The following TMEM266 variants were observed in gnomAD, a reference collection of about 807,000 sequenced individuals.
TMEM266 encodes transmembrane protein 266.
Under a neutral mutation model 50.5 loss-of-function variants are expected in TMEM266, and 33 were observed. The ratio of observed to expected loss-of-function variants is 0.65; its 90% confidence interval spans 0.50 to 0.87. The LOEUF (loss-of-function observed/expected upper bound fraction) is 0.87, where lower values mean the gene tolerates loss of function less well. Among genes scored for constraint, TMEM266 ranks in the 40% least tolerant of loss-of-function variants. TMEM266 has a pLI of 0.00. For missense variants in TMEM266, 655 were observed against 695.1 expected, an observed-to-expected ratio of 0.94 and a Z score of 0.65; for synonymous variants, 310 against 292.3, an observed-to-expected ratio of 1.06 and a Z score of -0.62.
chr15:76,175,681 C>T lies in TMEM266; in HGVS notation c.768+7C>T. ...GATCTGTCAGGAGCAAGGGGTAATG[C>T]ACTGCCACTTTCGGCTCTGTCCGTG... On this transcript the variant is annotated splice_region_variant and intron_variant, in intron 8 of 10. Transcript: ENST00000388942. The T allele has an allele frequency of 6.2e-7, 1 of 1,610,094 alleles. No individual in the cohort carries two copies. The highest frequency in any genetic ancestry group is 8.5e-7 in the Non-Finnish European group (1 of 1,176,510).
intron 1 of TMEM266, among the ~76,000 whole-genome samples, chr15:76,119,108 G>A (rs2935962): frequency 0.045 from 6,876 of 152,206 alleles, 495 homozygotes; most frequent in African/African-American, 0.15. Context: ...AAATCCTGGT[G>A]CCATCTTCCC....
intron 1 of TMEM266, among the ~76,000 whole-genome samples, chr15:76,101,264 A>G (rs1023015160): frequency 6.6e-6 from 1 of 152,240 alleles, no homozygotes; most frequent in Non-Finnish European, 1.5e-5. Context: ...CAGAGTTGCC[A>G]TGACAACTAC....
intron 5 of TMEM266, among the ~76,000 whole-genome samples, chr15:76,162,336 A>T (rs1460327912): frequency 6.6e-6 from 1 of 152,232 alleles, no homozygotes; most frequent in Non-Finnish European, 1.5e-5. Context: ...ATACACACAC[A>T]GCTCACACCA....
chr15:76,091,775 G>T (rs976249439), intron 1 of TMEM266, among the ~76,000 whole-genome samples: 1 of 151,876 alleles, frequency 6.6e-6, no homozygotes, highest in African/African-American at 2.4e-5. Flanking sequence ...GATCACTTGA[G>T]CCCAGGAGTT....
intron 4 of TMEM266, among the ~76,000 whole-genome samples, chr15:76,159,845 G>A (rs961411434): frequency 6.6e-6 from 1 of 151,904 alleles, no homozygotes; most frequent in African/African-American, 2.4e-5. Context: ...GCGGCCTGTG[G>A]GGGAGAAGGA....
intron 1 of TMEM266, among the ~76,000 whole-genome samples, chr15:76,078,135 C>CT (rs568694282): frequency 2.0e-4 from 30 of 152,198 alleles, no homozygotes; most frequent in African/African-American, 7.0e-4. Context: ...ATGTCGCCGA[C>CT]TCTGTCAGGC....
Position 76,130,808 on chromosome 15 carries a change from C to T in TMEM266, c.-96-3360C>T, listed in dbSNP as rs188887370. Among the ~76,000 whole-genome samples, 388 of 152,054 alleles carry T rather than the reference C, an allele frequency of 2.6e-3. 1 individual carries two copies. The highest frequency in any genetic ancestry group is 8.9e-3 in the African/African-American group (370 of 41,404). On this transcript the variant is annotated intron_variant, in intron 1 of 10. Coordinates refer to ENST00000388942, the MANE Select transcript of TMEM266 (RefSeq NM_152335.3). Reference sequence around the variant, plus strand: ...ACAATTGTATATATTTGAAATTTTCCTTCCTAAAAAGTTAAATTAAAAAAA... The same window carrying T: ...ACAATTGTATATATTTGAAATTTTCTTTCCTAAAAAGTTAAATTAAAAAAA...
chr15:76,080,755 C>G (rs1358505122), intron 1 of TMEM266, among the ~76,000 whole-genome samples: 1 of 150,456 alleles, frequency 6.6e-6, no homozygotes, highest in Non-Finnish European at 1.5e-5. Context: ...TGGATTTTTT[C>G]TTTTTTTTTA....
chr15:76,171,298 C>T (rs538506547), intron 7 of TMEM266, among the ~76,000 whole-genome samples, 167 bp downstream of exon 7: 27 of 152,296 alleles, frequency 1.8e-4, no homozygotes, highest in African/African-American at 6.3e-4. Flanking sequence ...CGCCATCACG[C>T]GTTCATGCAC....
At chr15:76,083,233 CTTTT>C (rs3068737) in intron 1 of TMEM266, among the ~76,000 whole-genome samples, 1 of 136,210 alleles carries the variant, frequency 7.3e-6, no homozygotes, top group Non-Finnish European at 1.6e-5. Context: ...TGCTGATACT[CTTTT>C]TTTTTTTTTT....
At chr15:76,142,527 G>T (rs1424701312) in intron 3 of TMEM266, among the ~76,000 whole-genome samples, 1 of 152,210 alleles carries the variant, frequency 6.6e-6, no homozygotes, top group Non-Finnish European at 1.5e-5. Flanking sequence ...AGTGGTTGCT[G>T]CACTGTTTTA....
In TMEM266 at chr15:76,153,865, G is replaced by A. The variant is rs78453321; in HGVS notation, c.228-2739G>A. Among the ~76,000 whole-genome samples, 25,065 of 152,086 alleles carry A rather than the reference G, an allele frequency of 0.16. 2,793 individuals carry two copies. The highest frequency in any genetic ancestry group is 0.42 in the East Asian group (2,175 of 5,140). On this transcript the variant is annotated intron_variant, in intron 3 of 10. Transcript: ENST00000388942. The surrounding 1 kb of genome is among the most constrained non-coding windows in gnomAD (Gnocchi z 4.2). ...CAAAGGCTCGTTAATGGATGGAAGCGCTGTGCCGCTGGCACTGCTGCGGGC... is the reference window on the plus strand; with the variant it reads ...CAAAGGCTCGTTAATGGATGGAAGCACTGTGCCGCTGGCACTGCTGCGGGC...
At chr15:76,164,152 G>A (rs998242351) in intron 5 of TMEM266, among the ~76,000 whole-genome samples, 1 of 152,082 alleles carries the variant, frequency 6.6e-6, no homozygotes, top group Admixed American at 6.6e-5. Flanking sequence ...GTAGTCTTTT[G>A]TGACTGCGGC....
chr15:76,134,173 T>G lies in TMEM266; in HGVS notation c.-91T>G. The G allele has an allele frequency of 2.8e-6, 4 of 1,428,090 alleles. No homozygotes were observed. Among genetic ancestry groups the G allele is most frequent in the Non-Finnish European group, 3.9e-6 (4 of 1,020,018 alleles). The allele number at this position is 1,428,090 out of a possible 1,614,324, so 88.5% of individuals were successfully genotyped here. Reference sequence around the variant, plus strand: ...GTTCCTATTTTTGTTTTCAGGGCACTATATTTGTATGTGTCTTGTAGAACC... The same window carrying G: ...GTTCCTATTTTTGTTTTCAGGGCACGATATTTGTATGTGTCTTGTAGAACC... On this transcript the variant is annotated 5_prime_UTR_variant, in exon 2 of 11. Coordinates refer to ENST00000388942, the MANE Select transcript of TMEM266 (RefSeq NM_152335.3).
intron 1 of TMEM266, among the ~76,000 whole-genome samples, chr15:76,123,124 T>C (rs1044379280): frequency 3.3e-5 from 5 of 152,254 alleles, no homozygotes; most frequent in African/African-American, 1.2e-4. Flanking sequence ...AAAGCCACTG[T>C]GGGCTCTCTG....
At chr15:76,202,090 G>A (rs1033927976) in intron 9 of TMEM266, 112 bp from the exon 10 acceptor site, 52 of 900,958 alleles carry the variant, frequency 5.8e-5, no homozygotes, top group Non-Finnish European at 8.5e-5. Flanking sequence ...CACACACCAA[G>A]GGCTTCTGTG....
At chr15:76,073,086 C>T (rs535283491) in intron 1 of TMEM266, among the ~76,000 whole-genome samples, 1 of 151,988 alleles carries the variant, frequency 6.6e-6, no homozygotes, top group East Asian at 1.9e-4. Context: ...CATGTGTCAC[C>T]ACACCCAGCT....
intron 7 of TMEM266, among the ~76,000 whole-genome samples, chr15:76,174,551 A>G (rs918349693): frequency 1.3e-5 from 2 of 152,180 alleles, no homozygotes; most frequent in African/African-American, 4.8e-5. Flanking sequence ...CCATCTCAAA[A>G]TAAAAGTTCA....
intron 5 of TMEM266, among the ~76,000 whole-genome samples, chr15:76,164,473 G>T (rs1441133269): frequency 6.6e-6 from 1 of 152,126 alleles, no homozygotes; most frequent in Non-Finnish European, 1.5e-5. Context: ...CTCCCAAAGT[G>T]CTGGGATTAC....
Sources: gnomAD v4.1 joint callset for allele counts (sites outside exome capture counted in the v4.1 genomes callset) on GRCh38, gnomAD v4.1.1 for gene constraint, Gnocchi (gnomAD v3.1) non-coding constraint, MANE v1.5 for transcripts, NCBI Gene and HGNC (gene_info 2026-07-23, HGNC 2026-07-21) for gene names.